The following KCNQ1 variants were observed in gnomAD, a reference collection of about 807,000 sequenced individuals.
The protein encoded by KCNQ1 is potassium voltage-gated channel subfamily KQT member 1.
KCNQ1 carries 49 observed loss-of-function variants against 72.4 expected under a neutral mutation model. The observed-to-expected ratio is 0.68, with a 90% CI of 0.54 to 0.86. KCNQ1 has a LOEUF of 0.86. Ranked by LOEUF, KCNQ1 falls within the 40% of genes least tolerant of loss-of-function variation. The probability of loss-of-function intolerance (pLI) is 0.00; values close to 1 mark genes in which losing one functional copy is unlikely to be tolerated. For missense variants in KCNQ1, 790 were observed against 945.1 expected, an observed-to-expected ratio of 0.84 and a Z score of 2.15; for synonymous variants, 450 against 412.6, an observed-to-expected ratio of 1.09 and a Z score of -1.10.
rs879844265 is a variant in KCNQ1 at position 2,745,086 on chromosome 11, A to G, written c.1515-23758A>G. On this transcript the variant is annotated intron_variant, in intron 11 of 15. Transcript: ENST00000155840. The surrounding 1 kb of genome is among the most constrained non-coding windows in gnomAD (Gnocchi z 6.2). Reference sequence around the variant, plus strand: ...TGCCCAGAAGAGCTCCTAAACCCCTATTTATAATAATCTCTTTTTAAGTTT... The same window carrying G: ...TGCCCAGAAGAGCTCCTAAACCCCTGTTTATAATAATCTCTTTTTAAGTTT... Among the ~76,000 whole-genome samples, 23 of 152,242 alleles carry G rather than the reference A, an allele frequency of 1.5e-4. No individual in the cohort carries two copies. The highest frequency in any genetic ancestry group is 3.4e-3 in the Middle Eastern group (1 of 294).
In KCNQ1 at chr11:2,658,699, T is replaced by C. The variant is rs910796008; in HGVS notation, c.1394-3262T>C. 11 of 398,462 alleles carry C rather than the reference T, an allele frequency of 2.8e-5. No individual in the cohort carries two copies. Among genetic ancestry groups the C allele is most frequent in the African/African-American group, 1.9e-4 (9 of 48,626 alleles). The allele number at this position is 398,462 out of a possible 1,614,324, so 24.7% of individuals were successfully genotyped here. ...GACAGAGCTAGGAAATATATGTATG[T>C]ATGTAACCTGAGTACACATACATCT... On this transcript the variant is annotated intron_variant, in intron 10 of 15. Transcript: ENST00000155840. The surrounding 1 kb of genome is among the most constrained non-coding windows in gnomAD (Gnocchi z 4.9).
chr11:2,696,415 G>C (rs1160917983), intron 11 of KCNQ1: 1 of 398,528 alleles, frequency 2.5e-6, no homozygotes, highest in Non-Finnish European at 4.4e-6. Context: ...TCTAGACTTG[G>C]AGTTACCTCT....
In KCNQ1 at chr11:2,463,260, T is replaced by C. The variant is rs1846304950; in HGVS notation, c.386+17776T>C. On this transcript the variant is annotated intron_variant, in intron 1 of 15. Coordinates refer to ENST00000155840, the MANE Select transcript of KCNQ1 (RefSeq NM_000218.3). The surrounding 1 kb of genome is among the most constrained non-coding windows in gnomAD (Gnocchi z 7.0). Reference sequence around the variant, plus strand: ...AGCCTAATCCCTACCTGCCAGTGGGTGACACAGAAGGCAGGAATGCAGAAG... The same window carrying C: ...AGCCTAATCCCTACCTGCCAGTGGGCGACACAGAAGGCAGGAATGCAGAAG... Among the ~76,000 whole-genome samples the C allele has an allele frequency of 6.6e-6, 1 of 152,090 alleles. No homozygotes were observed. Among genetic ancestry groups the C allele is most frequent in the Non-Finnish European group, 1.5e-5 (1 of 68,010 alleles).
rs1342343483 is a variant in KCNQ1 at position 2,593,313 on chromosome 11, TG to T, written c.1393+4460del. ...CCTGGAGGCCGCCTCAGAGGCCTTTTGCTGCTCAGAGAACACTGGGCTGGAA... is the reference window on the plus strand; with the variant it reads ...CCTGGAGGCCGCCTCAGAGGCCTTTTCTGCTCAGAGAACACTGGGCTGGAA... On this transcript the variant is annotated intron_variant, in intron 10 of 15. Transcript: ENST00000155840. The surrounding 1 kb of genome is among the most constrained non-coding windows in gnomAD (Gnocchi z 6.9). Among the ~76,000 whole-genome samples the T allele has an allele frequency of 6.6e-6, 1 of 152,092 alleles. No individual in the cohort carries two copies. The highest frequency in any genetic ancestry group is 1.5e-5 in the Non-Finnish European group (1 of 68,016).
intron 1 of KCNQ1, among the ~76,000 whole-genome samples, chr11:2,520,807 C>T (rs921512840): frequency 6.6e-5 from 10 of 151,960 alleles, no homozygotes; most frequent in African/African-American, 2.4e-4. Flanking sequence ...TTTTTTTAAG[C>T]CCCTAGAAGT....
chr11:2,446,692 C>T lies in KCNQ1; in HGVS notation c.386+1208C>T, dbSNP rs563782458. ...TCCACATCAGGAAGGGGAAGTCTTACCCACCTCCCTCCTCAAAGATGTGGT... is the reference window on the plus strand; with the variant it reads ...TCCACATCAGGAAGGGGAAGTCTTATCCACCTCCCTCCTCAAAGATGTGGT... On this transcript the variant is annotated intron_variant, in intron 1 of 15. Coordinates refer to ENST00000155840, the MANE Select transcript of KCNQ1 (RefSeq NM_000218.3). This position sits in a 1 kb window ranked among gnomAD's most constrained non-coding sequence, Gnocchi z 8.8. Among the ~76,000 whole-genome samples the T allele has an allele frequency of 1.1e-4, 17 of 152,282 alleles. No homozygotes were observed. In the South Asian group the frequency reaches 2.9e-3, roughly 26 times the overall value.
intron 11 of KCNQ1, chr11:2,684,414 C>T (rs1418819249): frequency 5.0e-6 from 2 of 398,544 alleles, no homozygotes; most frequent in Non-Finnish European, 8.8e-6. Context: ...TCCTCAGTGC[C>T]CCAGCACCAC....
intron 1 of KCNQ1, among the ~76,000 whole-genome samples, chr11:2,455,137 A>G (rs371582854): frequency 3.2e-4 from 48 of 150,532 alleles, no homozygotes; most frequent in East Asian, 1.2e-3. Flanking sequence ...TCACTCTGTC[A>G]CCCAGGCTGG....
intron 10 of KCNQ1, chr11:2,630,388 C>T (rs1005983265): frequency 2.5e-6 from 1 of 397,624 alleles, no homozygotes; most frequent in Admixed American, 4.4e-5. Context: ...TTATATTGTC[C>T]TTGTCTGGCC....
intron 2 of KCNQ1, among the ~76,000 whole-genome samples, chr11:2,534,018 G>A (rs575848241): frequency 7.6e-5 from 11 of 145,668 alleles, no homozygotes; most frequent in Non-Finnish European, 1.2e-4. Context: ...CGCCCCGCCC[G>A]GTGGCCCACC....
intron 11 of KCNQ1, among the ~76,000 whole-genome samples, chr11:2,728,744 G>A (rs900154396): frequency 5.9e-5 from 9 of 152,192 alleles, no homozygotes; most frequent in Non-Finnish European, 1.2e-4. Context: ...TGCAGGAGGA[G>A]CATCTCAGGA....
At chr11:2,778,188 G>GGGGCCC in intron 15 of KCNQ1, 151 bp downstream of exon 15, 1 of 797,344 alleles carries the variant, frequency 1.3e-6, no homozygotes, top group Non-Finnish European at 2.1e-6. Context: ...ACTCCCAAGA[G>GGGGCCC]GGGCCCAGGC....
intron 7 of KCNQ1, among the ~76,000 whole-genome samples, chr11:2,584,504 A>AGT (rs747562425): frequency 1.5e-5 from 2 of 133,822 alleles, no homozygotes; most frequent in Non-Finnish European, 3.2e-5. Flanking sequence ...TATGTGGGTT[A>AGT]GTGTGTGTGT....
At chr11:2,472,136 A>T (rs7115361) in intron 1 of KCNQ1, among the ~76,000 whole-genome samples, 2 of 141,202 alleles carry the variant, frequency 1.4e-5, no homozygotes, top group African/African-American at 5.5e-5. Context: ...ACATGCGTAT[A>T]GGTGTGTGTG....
intron 10 of KCNQ1, chr11:2,619,882 G>T (rs1849135889): frequency 1.0e-5 from 4 of 397,964 alleles, no homozygotes; most frequent in Non-Finnish European, 1.8e-5. Flanking sequence ...TGATTTAGAG[G>T]GTATATGTAC....
At chr11:2,648,558 A>G (rs570945412) in intron 10 of KCNQ1, 2 of 398,296 alleles carry the variant, frequency 5.0e-6, no homozygotes, top group Non-Finnish European at 8.8e-6. Flanking sequence ...ATGTAGTTTG[A>G]TTTCCGTGTA....
Position 2,565,101 on chromosome 11 carries a change from G to T in KCNQ1, c.478-5527G>T, listed in dbSNP as rs575279404. Among the ~76,000 whole-genome samples the T allele has an allele frequency of 6.6e-6, 1 of 152,328 alleles. No homozygotes were observed. Among genetic ancestry groups the T allele is most frequent in the East Asian group, 1.9e-4 (1 of 5,192 alleles). ...CGGGGACAGACTCCAAAGTGGAATT[G>T]CTGGGTCATACAGTAATTCTGTTTT... On this transcript the variant is annotated intron_variant, in intron 2 of 15. Transcript: ENST00000155840. This position sits in a 1 kb window ranked among gnomAD's most constrained non-coding sequence, Gnocchi z 5.6.
Position 2,658,445 on chromosome 11 carries a change from G to T in KCNQ1, c.1394-3516G>T, listed in dbSNP as rs1849890096. 1 of 398,558 alleles carries T rather than the reference G, an allele frequency of 2.5e-6. No individual in the cohort carries two copies. The highest frequency in any genetic ancestry group is 1.3e-4 in the South Asian group (1 of 7,858). 24.7% of individuals were successfully genotyped at this position (398,558 alleles called of 1,614,324 possible). On this transcript the variant is annotated intron_variant, in intron 10 of 15. Coordinates refer to ENST00000155840, the MANE Select transcript of KCNQ1 (RefSeq NM_000218.3). The surrounding 1 kb of genome is among the most constrained non-coding windows in gnomAD (Gnocchi z 4.9). The stretch of plus-strand genomic sequence containing the variant: ...AAGCTGTGGCCACTGGTGGGTTCAT[G>T]TGTCCTTTTGATGTGCCCCCCGCCA...
chr11:2,655,934 C>G (rs545164415), intron 10 of KCNQ1: 5 of 398,596 alleles, frequency 1.3e-5, no homozygotes, highest in African/African-American at 1.0e-4. Context: ...CCAAAAAGCA[C>G]ACATTCCTCT....
Sources: allele counts gnomAD v4.1 joint callset (sites outside exome capture counted in the v4.1 genomes callset), GRCh38; gene constraint gnomAD v4.1.1; non-coding constraint Gnocchi (gnomAD v3.1); transcripts MANE v1.5; gene names NCBI Gene and HGNC (gene_info 2026-07-23, HGNC 2026-07-21).